CSMD1: variants seen among roughly 807,000 people sequenced by gnomAD.
CSMD1 encodes the protein CUB and sushi domain-containing protein 1.
Under a neutral mutation model 417.5 loss-of-function variants are expected in CSMD1, and 213 were observed. The ratio of observed to expected loss-of-function variants is 0.51; its 90% CI spans 0.46 to 0.57. The LOEUF (loss-of-function observed/expected upper bound fraction) is 0.57. CSMD1 is among the 20% of genes least tolerant of loss of function. The pLI is 0.00. For synonymous variants in CSMD1, 2,862 were observed against 1,736.8 expected (o/e 1.65, Z -16.11); for missense variants, 6,923 against 4,529.7 (o/e 1.53, Z -15.17).
chr8:3,958,087 T>A (rs897146026), intron 5 of CSMD1, among the ~76,000 whole-genome samples: 1 of 152,216 alleles, frequency 6.6e-6, no homozygotes, highest in Non-Finnish European at 1.5e-5. Context: ...CTTTTATTAC[T>A]ATAATGCTAC....
At chr8:4,221,291 C>T (rs894839733) in intron 3 of CSMD1, among the ~76,000 whole-genome samples, 2 of 150,484 alleles carry the variant, frequency 1.3e-5, no homozygotes, top group Non-Finnish European at 3.0e-5. Flanking sequence ...TTAAACATGG[C>T]ATATTGAATA....
intron 49 of CSMD1, among the ~76,000 whole-genome samples, chr8:3,075,924 G>A (rs574635215): frequency 4.6e-5 from 7 of 151,420 alleles, no homozygotes; most frequent in South Asian, 2.1e-4. Flanking sequence ...GGTGGCGGGC[G>A]CCTGTAGTCC....
chr8:4,741,202 G>C (rs187924363), intron 1 of CSMD1, among the ~76,000 whole-genome samples: 129 of 152,250 alleles, frequency 8.5e-4, no homozygotes, highest in Non-Finnish European at 1.7e-3. Flanking sequence ...TTCAACAGAA[G>C]ACCCTAGTGC....
chr8:3,147,402 T>C (rs1232133908), intron 40 of CSMD1, among the ~76,000 whole-genome samples: 6 of 152,212 alleles, frequency 3.9e-5, no homozygotes, highest in African/African-American at 1.4e-4. Flanking sequence ...GCATTTCTCA[T>C]CTTATTTAGA....
intron 10 of CSMD1, among the ~76,000 whole-genome samples, chr8:3,552,892 C>T (rs1466263284): frequency 6.6e-6 from 1 of 151,768 alleles, no homozygotes; most frequent in African/African-American, 2.4e-5. Context: ...TAAATTCTTC[C>T]ACTTTCTTGA....
At chr8:3,195,414 GT>G (rs1416441417) in intron 33 of CSMD1, among the ~76,000 whole-genome samples, 2 of 152,208 alleles carry the variant, frequency 1.3e-5, no homozygotes, top group African/African-American at 4.8e-5. Context: ...CCAAAGCAAA[GT>G]CTCTAAATGC....
intron 1 of CSMD1, among the ~76,000 whole-genome samples, chr8:4,841,911 C>CAAACAAAACAAAAAAAAA (rs779855887): frequency 2.9e-5 from 1 of 34,830 alleles, no homozygotes; most frequent in African/African-American, 1.8e-4. Flanking sequence ...AACTCCGTCT[C>CAAACAAAACAAAAAAAAA]AAAAAAAAAA....
chr8:3,230,927 C>T (rs543465609), intron 26 of CSMD1, among the ~76,000 whole-genome samples: 90 of 152,254 alleles, frequency 5.9e-4, no homozygotes, highest in Middle Eastern at 3.4e-3. Flanking sequence ...TCTGCAAAGC[C>T]GGCTGGTGCC....
chr8:3,599,953 G>C (rs1369617104), intron 8 of CSMD1, among the ~76,000 whole-genome samples: 1 of 152,138 alleles, frequency 6.6e-6, no homozygotes, highest in African/African-American at 2.4e-5. Context: ...CAAAGTGTCG[G>C]TCTCTACAAT....
intron 39 of CSMD1, among the ~76,000 whole-genome samples, chr8:3,153,235 C>T (rs527580436): frequency 2.6e-5 from 4 of 152,282 alleles, no homozygotes; most frequent in Non-Finnish European, 4.4e-5. Context: ...GCCACGGCAA[C>T]GTCAGGAACT....
At chr8:3,817,276 T>TGAGA (rs1801436419) in intron 5 of CSMD1, among the ~76,000 whole-genome samples, 1 of 73,856 alleles carries the variant, frequency 1.4e-5, no homozygotes, top group Non-Finnish European at 2.6e-5. Context: ...TTTTTTTTTT[T>TGAGA]TTTTTTTTTT....
chr8:4,473,373 G>C (rs938397047), intron 2 of CSMD1, among the ~76,000 whole-genome samples: 9 of 152,172 alleles, frequency 5.9e-5, no homozygotes, highest in Non-Finnish European at 1.5e-5. Context: ...GGTTGAGAAA[G>C]TGGCTGGCTT....
chr8:3,346,151 G>T (rs1438670866), intron 22 of CSMD1, among the ~76,000 whole-genome samples: 1 of 152,168 alleles, frequency 6.6e-6, no homozygotes, highest in African/African-American at 2.4e-5. Flanking sequence ...TGCAAAATGT[G>T]TAGGTATTTT....
At chr8:4,366,861 C>G (rs1283142643) in intron 3 of CSMD1, among the ~76,000 whole-genome samples, 2 of 152,050 alleles carry the variant, frequency 1.3e-5, no homozygotes, top group Non-Finnish European at 2.9e-5. Context: ...TGAGAAGTGC[C>G]TGTTCATGTC....
At chr8:4,290,637 G>T (rs957860221) in intron 3 of CSMD1, among the ~76,000 whole-genome samples, 1 of 152,206 alleles carries the variant, frequency 6.6e-6, no homozygotes, top group Non-Finnish European at 1.5e-5. Context: ...AAGATTCCTT[G>T]TGAGAAGTAT....
intron 3 of CSMD1, among the ~76,000 whole-genome samples, chr8:4,390,994 G>A (rs992943922): frequency 1.3e-5 from 2 of 152,168 alleles, no homozygotes; most frequent in Non-Finnish European, 2.9e-5. Context: ...CCATATGTGT[G>A]TTTGTACTTC....
At chr8:4,158,088 C>A (rs979623835) in intron 3 of CSMD1, among the ~76,000 whole-genome samples, 4 of 111,118 alleles carry the variant, frequency 3.6e-5, no homozygotes, top group Middle Eastern at 4.5e-3. Flanking sequence ...ACAAGAAAAC[C>A]CTTTTTTTTT....
chr8:3,201,567 C>A, intron 32 of CSMD1, 45 bp downstream of exon 32: 1 of 1,049,738 alleles, frequency 9.5e-7, no homozygotes, highest in East Asian at 2.6e-5. Flanking sequence ...ATTAATCCCC[C>A]TAGCTGTCTG....
At chr8:4,020,606 T>C (rs1796741265) in intron 4 of CSMD1, among the ~76,000 whole-genome samples, 2 of 152,166 alleles carry the variant, frequency 1.3e-5, no homozygotes, top group Non-Finnish European at 2.9e-5. Flanking sequence ...TGGTAAGAGA[T>C]CAAAACTGCT....
Sources: allele counts gnomAD v4.1 joint callset (sites outside exome capture counted in the v4.1 genomes callset), GRCh38; gene constraint gnomAD v4.1.1; transcripts MANE v1.5; gene names NCBI Gene and HGNC (gene_info 2026-07-23, HGNC 2026-07-21).